The following CTDP1 variants were observed in gnomAD, a reference collection of about 807,000 sequenced individuals.
CTDP1 encodes the protein RNA polymerase II subunit A C-terminal domain phosphatase.
A neutral mutation model predicts 91.8 loss-of-function variants in CTDP1; 47 were observed. The ratio of observed to expected loss-of-function variants is 0.51; its 90% CI spans 0.41 to 0.65. The LOEUF is 0.65. CTDP1 is among the 30% of genes least tolerant of loss of function. The pLI is 0.00. For synonymous variants in CTDP1, 656 were observed against 598.5 expected, an observed-to-expected ratio of 1.10 and a Z score of -1.40; for missense variants, 1,272 against 1,373.7, an observed-to-expected ratio of 0.93 and a Z score of 1.17.
Position 79,704,816 on chromosome 18 carries a change from G to A in CTDP1, c.671G>A (p.Arg224His), listed in dbSNP as rs1482890772. The A allele has an allele frequency of 1.9e-6, 3 of 1,613,856 alleles. No individual in the cohort carries two copies. Among genetic ancestry groups the A allele is most frequent in the Non-Finnish European group, 1.7e-6 (2 of 1,180,058 alleles). ...CGGGGTGAGCCCATGCTGCACACGC[G>A]CCTGCGTCCACACTGCAAGGACTTC... The part of the protein sequence containing the change: ...LGRGEPMLHT[R>H]LRPHCKDFLE... The change falls in exon 5 of 13, where the codon CGC (arginine) becomes CAC (histidine). Residue 224 changes from arginine (R) to histidine (H), a missense_variant. Arg to His is a conservative substitution (Grantham distance 29). Transcript: ENST00000613122.
chr18:79,726,970 C>G (rs1297505843), intron 10 of CTDP1, among the ~76,000 whole-genome samples: 5 of 110,516 alleles, frequency 4.5e-5, no homozygotes, highest in Non-Finnish European at 7.6e-5. Context: ...TGCTGGTGGA[C>G]TGCTGTGGGG....
intron 5 of CTDP1, among the ~76,000 whole-genome samples, chr18:79,705,581 A>T (rs950111026): frequency 8.6e-5 from 13 of 151,228 alleles, no homozygotes; most frequent in African/African-American, 2.9e-4. Context: ...AAGCAAGGGG[A>T]CAGTGCGGGA....
chr18:79,734,654 T>C (rs1435803544), intron 11 of CTDP1, among the ~76,000 whole-genome samples: 3 of 152,268 alleles, frequency 2.0e-5, no homozygotes, highest in African/African-American at 4.8e-5. Flanking sequence ...GGCTGTCAAG[T>C]GTAAAATAAC....
At chr18:79,730,522 AC>A (rs1251524256) in intron 11 of CTDP1, among the ~76,000 whole-genome samples, 1 of 152,142 alleles carries the variant, frequency 6.6e-6, no homozygotes, top group African/African-American at 2.4e-5. Context: ...GCTTTCAGCC[AC>A]CCCAAAACCT....
chr18:79,677,756 C>T (rs1248491143), upstream of CTDP1: 1 of 151,590 alleles, frequency 6.6e-6, no homozygotes, highest in African/African-American at 2.4e-5. Context: ...GAATTCTTCA[C>T]CATCCAGTAG....
intron 5 of CTDP1, 125 bp from the exon 6 acceptor site, chr18:79,710,221 G>A: frequency 3.7e-6 from 3 of 806,590 alleles, no homozygotes; most frequent in South Asian, 2.7e-5. Context: ...GGGATGAAGT[G>A]TTTGGTGCCA....
intron 12 of CTDP1, among the ~76,000 whole-genome samples, chr18:79,753,373 A>G (rs2087037979): frequency 6.6e-6 from 1 of 152,218 alleles, no homozygotes; most frequent in Non-Finnish European, 1.5e-5. Context: ...ACAGGTGTTC[A>G]TGAGCGGCCG....
Position 79,695,213 on chromosome 18 carries a change from GT to G in CTDP1, c.315-5del. ...GATTTTAAAGTGTTGTTCCCCTTGT[GT>G]TTTTTTGTAGAGCGGTTCTGGTGAG... On this transcript the variant is annotated splice_polypyrimidine_tract_variant and intron_variant, in intron 1 of 12. Coordinates refer to ENST00000613122, the MANE Select transcript of CTDP1 (RefSeq NM_004715.5). 3.1e-6 allele frequency: 5 copies of G among 1,613,436 alleles called. No individual in the cohort carries two copies. The highest frequency in any genetic ancestry group is 4.2e-6 in the Non-Finnish European group (5 of 1,179,408).
At chr18:79,715,905 A>G (rs2086198167) in intron 8 of CTDP1, among the ~76,000 whole-genome samples, 1 of 152,246 alleles carries the variant, frequency 6.6e-6, no homozygotes, top group African/African-American at 2.4e-5. Flanking sequence ...TTAGAAAACT[A>G]AATGCAAGGT....
At chr18:79,691,403 G>A (rs2169247) in intron 1 of CTDP1, among the ~76,000 whole-genome samples, 23,031 of 136,016 alleles carry the variant, frequency 0.17, 3,007 homozygotes, top group Middle Eastern at 0.27. Context: ...GGAGGCCCCC[G>A]TCCTTTGTGG....
At chr18:79,698,130 G>A (rs527286344) in intron 4 of CTDP1, 142 bp downstream of exon 4, 26 of 1,237,150 alleles carry the variant, frequency 2.1e-5, no homozygotes, top group South Asian at 7.8e-5. Context: ...AGTTCTGGGC[G>A]TGGGCCGTGT....
In CTDP1 at chr18:79,717,874, A is replaced by G; in HGVS notation, c.2275A>G (p.Met759Val). The G allele has an allele frequency of 6.2e-7, 1 of 1,613,546 alleles. No individual in the cohort carries two copies. Among genetic ancestry groups the G allele is most frequent in the Non-Finnish European group, 8.5e-7 (1 of 1,179,976 alleles). ...GVPPTALFHP[M>V]PVLPKAQPGP... ...GCCCCCCACCGCCTTGTTCCACCCG[A>G]TGCCGGTTCTTCCCAAGGCCCAGCC... Residue 759 changes from methionine (M) to valine (V), a missense_variant, in exon 10 of 13, where the codon ATG becomes GTG. By Grantham distance (21) the Met-to-Val change is conservative (BLOSUM62 1). Around this residue, in one of 3 missense-constraint regions of CTDP1, gnomAD observed 881 missense variants for 911.6 expected, o/e 0.97. Transcript: ENST00000613122.
At chr18:79,678,188 C>T (rs1241787268), upstream of CTDP1, 1 of 152,162 alleles carries the variant, frequency 6.6e-6, no homozygotes, top group Non-Finnish European at 1.5e-5. Flanking sequence ...ATCTGAGGAA[C>T]GCGAGTTCTT....
intron 1 of CTDP1, among the ~76,000 whole-genome samples, chr18:79,680,529 C>T (rs868257581): frequency 5.9e-5 from 9 of 152,388 alleles, no homozygotes; most frequent in Middle Eastern, 3.4e-3. Flanking sequence ...TTCTTTCTTT[C>T]TGCAGTGATA....
At chr18:79,718,205 C>T (rs150153033) in intron 10 of CTDP1, among the ~76,000 whole-genome samples, 189 bp downstream of exon 10, 1 of 152,300 alleles carries the variant, frequency 6.6e-6, no homozygotes, top group African/African-American at 2.4e-5. Context: ...TTTTTCTCTC[C>T]TGTCTTGGGT....
intron 1 of CTDP1, among the ~76,000 whole-genome samples, chr18:79,693,906 A>T (rs375500986): frequency 6.8e-6 from 1 of 146,624 alleles, no homozygotes; most frequent in Non-Finnish European, 1.5e-5. Context: ...CCCCTGCAGG[A>T]TGCAGGCTGC....
At chr18:79,707,852 T>C (rs2085999315) in intron 5 of CTDP1, among the ~76,000 whole-genome samples, 1 of 152,206 alleles carries the variant, frequency 6.6e-6, no homozygotes, top group Non-Finnish European at 1.5e-5. Context: ...TTTTGATGCT[T>C]TTCATTTTGA....
At chr18:79,697,739 T>C in intron 3 of CTDP1, 121 bp from the exon 4 acceptor site, 1 of 1,455,648 alleles carries the variant, frequency 6.9e-7, no homozygotes, top group Non-Finnish European at 9.5e-7. Context: ...GCGCAGTCCA[T>C]GGAGCGTGGG....
In CTDP1 at chr18:79,680,054, G is replaced by C; in HGVS notation, c.107G>C (p.Arg36Thr). ...GPAPLRLLEW[R>T]VAAGAAVRIG... Reference sequence around the variant, plus strand: ...GCGCCGCTGCGCCTGCTGGAGTGGAGGGTGGCGGCGGGCGCGGCCGTGCGC... The same window carrying C: ...GCGCCGCTGCGCCTGCTGGAGTGGACGGTGGCGGCGGGCGCGGCCGTGCGC... Residue 36 changes from arginine to threonine, a missense_variant, in exon 1 of 13, where the codon AGG (arginine) becomes ACG (threonine). Coordinates refer to ENST00000613122, the MANE Select transcript of CTDP1 (RefSeq NM_004715.5). 2.4e-6 allele frequency: 3 copies of C among 1,252,902 alleles called. No individual in the cohort carries two copies. Among genetic ancestry groups the C allele is most frequent in the Non-Finnish European group, 3.0e-6 (3 of 1,003,194 alleles). The allele number at this position is 1,252,902 out of a possible 1,614,324, so 77.6% of individuals were successfully genotyped here. A position where few individuals can be genotyped will look rare whatever the true frequency, so the allele number is the denominator to read the frequency against.
Sources: allele counts gnomAD v4.1 joint callset (sites outside exome capture counted in the v4.1 genomes callset), GRCh38; gene constraint gnomAD v4.1.1; regional missense constraint gnomAD v4.1.1; transcripts MANE v1.5; gene names NCBI Gene and HGNC (gene_info 2026-07-23, HGNC 2026-07-21).